PRKCSH: variants seen among roughly 807,000 people sequenced by gnomAD.
The protein encoded by PRKCSH is PRKCSH beta subunit of glucosidase II.
In PRKCSH, 42 loss-of-function variants were observed where a neutral mutation model predicts 79.7. That is an observed-to-expected ratio of 0.53 (90% CI 0.41 to 0.68). PRKCSH has a LOEUF of 0.68. Ranked by LOEUF, PRKCSH falls within the 30% of genes least tolerant of loss-of-function variation. PRKCSH has a pLI of 0.00. For missense variants in PRKCSH, 686 were observed against 709.0 expected (o/e 0.97, Z 0.37); for synonymous variants, 325 against 288.2 (o/e 1.13, Z -1.29).
At chr19:11,437,404 T>A (rs923013769) in intron 3 of PRKCSH, among the ~76,000 whole-genome samples, 5 of 150,172 alleles carry the variant, frequency 3.3e-5, no homozygotes, top group African/African-American at 9.8e-5. Flanking sequence ...CAGGCTGGAG[T>A]GCAGTGGCAT....
At chr19:11,445,048 T>A (rs1055774906) in intron 7 of PRKCSH, among the ~76,000 whole-genome samples, 3 of 152,020 alleles carry the variant, frequency 2.0e-5, no homozygotes, top group African/African-American at 7.3e-5. Context: ...GCTTCTGCCC[T>A]CGCCCCCACC....
In PRKCSH at chr19:11,438,119, C is replaced by T. The variant is rs771831721; in HGVS notation, c.345C>T (p.Thr115=). The T allele has an allele frequency of 6.8e-5, 109 of 1,614,024 alleles. No individual in the cohort carries two copies. The Admixed American group carries it at 7.5e-4, about 11-fold the overall frequency. ...EYNSGVICEN[T]CKEKGRKERE... ...ACAGCGGCGTCATCTGTGAGAACAC[C>T]TGCAAGTACGTGGGTGACAGTACCC... Residue 115 remains threonine, a synonymous_variant, in exon 5 of 18, where the codon ACC becomes ACT. Transcript: ENST00000677123.
intron 2 of PRKCSH, 55 bp downstream of exon 2, chr19:11,436,251 G>T (rs1969730937): frequency 6.3e-7 from 1 of 1,599,886 alleles, no homozygotes; most frequent in Admixed American, 1.7e-5. Context: ...GGCCAACATT[G>T]GGCCTTAGGG....
chr19:11,443,036 G>C (rs1210386488), intron 7 of PRKCSH, among the ~76,000 whole-genome samples: 1 of 151,456 alleles, frequency 6.6e-6, no homozygotes, highest in Non-Finnish European at 1.5e-5. Flanking sequence ...TGTAGATTTT[G>C]TTATATGACT....
At chr19:11,436,527 C>G in intron 3 of PRKCSH, 22 bp downstream of exon 3, 1 of 1,562,796 alleles carries the variant, frequency 6.4e-7, no homozygotes, top group South Asian at 1.1e-5. Flanking sequence ...CTCTGTTCAT[C>G]CATCAGATGT....
At chr19:11,445,506 T>A in intron 8 of PRKCSH, 33 bp downstream of exon 8, 1 of 1,600,534 alleles carries the variant, frequency 6.2e-7, no homozygotes, top group South Asian at 1.1e-5. Flanking sequence ...TGCCCACCTT[T>A]CCGTGGGCCT....
chr19:11,438,412 C>T (rs893687535), intron 5 of PRKCSH, among the ~76,000 whole-genome samples: 1 of 152,110 alleles, frequency 6.6e-6, no homozygotes, highest in Non-Finnish European at 1.5e-5. Context: ...TCCATTGTCA[C>T]GCTCTGCAGC....
Position 11,447,558 on chromosome 19 carries a change from A to AG in PRKCSH, c.970dup (p.Glu324GlyfsTer4). 6.4e-7 allele frequency: 1 copy of AG among 1,559,380 alleles called. No individual in the cohort carries two copies. The highest frequency in any genetic ancestry group is 8.8e-7 in the Non-Finnish European group (1 of 1,137,590). ...AGGAGGAGGAGGAGGAGGAGGAGGAAGAAGAGGCTGAAGAAGAGGAGGAGG... is the reference window on the plus strand; with the variant it reads ...AGGAGGAGGAGGAGGAGGAGGAGGAAGGAAGAGGCTGAAGAAGAGGAGGAGG... On this transcript the variant is annotated frameshift_variant, in exon 11 of 18. Transcript: ENST00000677123. LOFTEE classifies it high-confidence loss of function. The surrounding 1 kb of genome is among the most constrained non-coding windows in gnomAD (Gnocchi z 5.6).
chr19:11,440,590 G>A (rs549557823), intron 5 of PRKCSH, among the ~76,000 whole-genome samples: 4 of 152,044 alleles, frequency 2.6e-5, no homozygotes, highest in East Asian at 3.9e-4. Context: ...GGATTACACC[G>A]TGTAGCTGGG....
At chr19:11,438,547 G>A (rs936101899) in intron 5 of PRKCSH, among the ~76,000 whole-genome samples, 2 of 151,952 alleles carry the variant, frequency 1.3e-5, no homozygotes, top group Non-Finnish European at 2.9e-5. Context: ...ACGAGGTCAG[G>A]AGATCGAGAC....
Position 11,447,042 on chromosome 19 carries a change from C to T in PRKCSH, c.763-32C>T, listed in dbSNP as rs201260399. On this transcript the variant is annotated intron_variant, in intron 9 of 17. Transcript: ENST00000677123. This position sits in a 1 kb window ranked among gnomAD's most constrained non-coding sequence, Gnocchi z 5.6. ...GCCGAGATGGGGGACACGTGGTGGC[C>T]TAGATCTTGACACCACCCCCAACAC... is the stretch of plus-strand genomic sequence containing the variant. 1 of 1,605,860 alleles carries T rather than the reference C, an allele frequency of 6.2e-7. No individual in the cohort carries two copies. Among genetic ancestry groups the T allele is most frequent in the African/African-American group, 1.3e-5 (1 of 74,888 alleles).
intron 2 of PRKCSH, 65 bp downstream of exon 2, chr19:11,436,261 G>A (rs748616932): frequency 2.5e-4 from 401 of 1,596,760 alleles, no homozygotes; most frequent in Non-Finnish European, 3.0e-4. Context: ...GGGCCTTAGG[G>A]ATAGGCATTT....
At position 11,448,412 on chromosome 19, in the gene PRKCSH, G is replaced by T; in HGVS notation, c.1196+121G>T. On this transcript the variant is annotated intron_variant, in intron 13 of 17. Transcript: ENST00000677123. This position sits in a 1 kb window ranked among gnomAD's most constrained non-coding sequence, Gnocchi z 4.4. ...GGCTGGGCCTGGTCCCTGCAGGGAG[G>T]GTCCCTGGGAGGTGGCAGGGAGGAC... The T allele has an allele frequency of 6.9e-7, 1 of 1,455,514 alleles. No homozygotes were observed. Among genetic ancestry groups the T allele is most frequent in the Non-Finnish European group, 9.5e-7 (1 of 1,050,264 alleles). The allele number at this position is 1,455,514 out of a possible 1,614,324, so 90.2% of individuals were successfully genotyped here.
chr19:11,450,055 A>C (rs1279620461), intron 17 of PRKCSH: 2 of 150,264 alleles, frequency 1.3e-5, no homozygotes, highest in African/African-American at 5.1e-5. Flanking sequence ...TGTGTTAACC[A>C]GGTTGGTCTC....
intron 7 of PRKCSH, among the ~76,000 whole-genome samples, chr19:11,442,778 T>C (rs925456550): frequency 3.3e-5 from 5 of 152,230 alleles, no homozygotes; most frequent in Non-Finnish European, 7.3e-5. Context: ...CTCAGCTCAC[T>C]GCAACCTCTG....
Position 11,448,576 on chromosome 19 carries a change from C to T in PRKCSH, c.1233C>T (p.Pro411=). 6.2e-7 allele frequency: 1 copy of T among 1,614,252 alleles called. No homozygotes were observed. Residue 411 remains proline, a synonymous_variant, in exon 14 of 18, where the codon CCC becomes CCT. Coordinates refer to ENST00000677123, the MANE Select transcript of PRKCSH (RefSeq NM_001289104.2). This position sits in a 1 kb window ranked among gnomAD's most constrained non-coding sequence, Gnocchi z 4.4. The stretch of plus-strand genomic sequence containing the variant: ...AAGAGATTTCTTTTGACTTTGGCCC[C>T]AACGGGGAGTTTGCTTACCTGTACA... ...LEQEISFDFG[P]NGEFAYLYSQ...
At position 11,445,403 on chromosome 19, in the gene PRKCSH, G is replaced by T; in HGVS notation, c.613G>T (p.Ala205Ser). 1 of 1,613,926 alleles carries T rather than the reference G, an allele frequency of 6.2e-7. No individual in the cohort carries two copies. The change falls in exon 8 of 18, where the codon GCC (alanine) becomes TCC (serine). Residue 205 changes from alanine (A) to serine (S), a missense_variant. Ala to Ser is a moderately conservative substitution (Grantham distance 99). Around this residue, in one of 2 missense-constraint regions of PRKCSH, gnomAD observed 549 missense variants for 520.2 expected, o/e 1.06. Transcript: ENST00000677123. ...CTTCTTTACAGAGCAGCTGGCTGCT[G>T]CCAAGGCCCAACAGGAGCAGGAGCT... ...QKLWEEQLAA[A>S]KAQQEQELAA...
intron 7 of PRKCSH, 58 bp from the exon 8 acceptor site, chr19:11,445,331 C>A: frequency 6.4e-7 from 1 of 1,556,294 alleles, no homozygotes; most frequent in Non-Finnish European, 8.8e-7. Flanking sequence ...CTGTGGGGTG[C>A]GGGGGCTGAT....
In PRKCSH at chr19:11,447,845, T is replaced by G. The variant is rs1970394440; in HGVS notation, c.1126+56T>G. 2 of 1,495,064 alleles carry G rather than the reference T, an allele frequency of 1.3e-6. No individual in the cohort carries two copies. Among genetic ancestry groups the G allele is most frequent in the African/African-American group, 2.8e-5 (2 of 71,816 alleles). The allele number at this position is 1,495,064 out of a possible 1,614,324, so 92.6% of individuals were successfully genotyped here. ...GTGGGCCCAGCGTTTCCTGCCGTGG[T>G]GGCACAGGTCGAGGGAAGATCCTGA... is the stretch of plus-strand genomic sequence containing the variant. On this transcript the variant is annotated intron_variant, in intron 12 of 17. Coordinates refer to ENST00000677123, the MANE Select transcript of PRKCSH (RefSeq NM_001289104.2). This position sits in a 1 kb window ranked among gnomAD's most constrained non-coding sequence, Gnocchi z 5.6.
Sources: gnomAD v4.1 joint callset for allele counts (sites outside exome capture counted in the v4.1 genomes callset) on GRCh38, gnomAD v4.1.1 for gene constraint, gnomAD v4.1.1 regional missense constraint, Gnocchi (gnomAD v3.1) non-coding constraint, MANE v1.5 for transcripts, NCBI Gene and HGNC (gene_info 2026-07-23, HGNC 2026-07-21) for gene names.